Variants in NBEA observed in about 807,000 individuals in gnomAD.
The protein encoded by NBEA is lysosomal-trafficking regulator 2.
A neutral mutation model predicts 343.4 loss-of-function variants in NBEA; 44 were observed. The ratio of observed to expected loss-of-function variants is 0.13; its 90% CI spans 0.10 to 0.16. NBEA has a LOEUF of 0.16. Ranked by LOEUF, NBEA falls within the 10% of genes least tolerant of loss-of-function variation. NBEA has a pLI of 1.00. For synonymous variants in NBEA, 1,175 were observed against 1,238.7 expected (o/e 0.95, Z 1.08); for missense variants, 2,555 against 3,631.3 (o/e 0.70, Z 7.62).
chr13:35,598,949 C>G (rs1038521260), intron 47 of NBEA, among the ~76,000 whole-genome samples: 1 of 152,202 alleles, frequency 6.6e-6, no homozygotes, highest in Non-Finnish European at 1.5e-5. Context: ...GTTCATCTCT[C>G]TCTTGCATAG....
intron 38 of NBEA, among the ~76,000 whole-genome samples, chr13:35,375,171 A>G (rs948366322): frequency 3.9e-5 from 6 of 152,176 alleles, no homozygotes; most frequent in African/African-American, 1.2e-4. Context: ...AAAGCAGTAC[A>G]CACACAACTT....
At chr13:35,035,025 C>T (rs58108812) in intron 1 of NBEA, among the ~76,000 whole-genome samples, 4,157 of 151,790 alleles carry the variant, frequency 0.027, 82 homozygotes, top group South Asian at 0.074. Flanking sequence ...TTATTTATTT[C>T]TGCTCTGATC....
chr13:35,559,685 G>A (rs943412550), intron 44 of NBEA, among the ~76,000 whole-genome samples: 1 of 152,096 alleles, frequency 6.6e-6, no homozygotes, highest in African/African-American at 2.4e-5. Context: ...GGAGGCCGAG[G>A]CAGGTGGATC....
intron 8 of NBEA, among the ~76,000 whole-genome samples, chr13:35,064,945 T>C (rs1269144002): frequency 1.3e-5 from 2 of 151,012 alleles, no homozygotes; most frequent in Non-Finnish European, 1.5e-5. Flanking sequence ...CTGATTCTTT[T>C]TCATAGCAGA....
In NBEA at chr13:35,179,931, T is replaced by C. The variant is rs1287893963; in HGVS notation, c.4663-2429T>C. ...CAAGGAATATGCATTTTAAACAGTT[T>C]GTAAGACAAAGTATCTCTAGAAAAG... is the stretch of plus-strand genomic sequence containing the variant. On this transcript the variant is annotated intron_variant, in intron 28 of 58. Transcript: ENST00000379939. The C allele has an allele frequency of 9.1e-6, 3 of 329,532 alleles. No individual in the cohort carries two copies. In the South Asian group the frequency reaches 3.6e-4, roughly 40 times the overall value. 20.4% of individuals were successfully genotyped at this position (329,532 alleles called of 1,614,324 possible). A position where few individuals can be genotyped will look rare whatever the true frequency, so the allele number is the denominator to read the frequency against.
intron 41 of NBEA, chr13:35,476,827 A>G: frequency 9.9e-7 from 1 of 1,012,716 alleles, no homozygotes; most frequent in Non-Finnish European, 1.2e-6. Flanking sequence ...ATATAGGCAC[A>G]CAAACTAAAG....
At chr13:34,948,038 G>C (rs2059240236) in intron 1 of NBEA, among the ~76,000 whole-genome samples, 1 of 152,146 alleles carries the variant, frequency 6.6e-6, no homozygotes, top group Non-Finnish European at 1.5e-5. Flanking sequence ...AGGTCATGTT[G>C]TTAACAAAGA....
rs117595214 is a variant in NBEA, at chr13:35,181,982, G to A, written c.4663-378G>A. On this transcript the variant is annotated intron_variant, in intron 28 of 58. Transcript: ENST00000379939. ...ATCCTACTAATTTTATTCAGTTATA[G>A]TATATAAAACCCTTGATTTTTTTAA... Among the ~76,000 whole-genome samples the A allele has an allele frequency of 9.1e-4, 138 of 151,436 alleles. 2 individuals carry two copies. The East Asian group carries it at 0.024, about 27-fold the overall frequency.
chr13:35,283,458 G>A (rs992295245), intron 34 of NBEA, among the ~76,000 whole-genome samples: 9 of 152,032 alleles, frequency 5.9e-5, no homozygotes, highest in African/African-American at 2.2e-4. Flanking sequence ...AATTTCCGTA[G>A]GGAAATGTGT....
intron 8 of NBEA, among the ~76,000 whole-genome samples, chr13:35,064,931 G>C (rs1427990357): frequency 6.6e-6 from 1 of 150,740 alleles, no homozygotes; most frequent in Non-Finnish European, 1.5e-5. Context: ...AAGCCATCCA[G>C]CCTCTGATTC....
At chr13:34,997,428 C>T (rs1327191355) in intron 1 of NBEA, among the ~76,000 whole-genome samples, 2 of 151,862 alleles carry the variant, frequency 1.3e-5, no homozygotes, top group Non-Finnish European at 2.9e-5. Flanking sequence ...ACTCATTCTT[C>T]CTTATTATTA....
chr13:35,210,820 G>A (rs1005216931), intron 32 of NBEA, among the ~76,000 whole-genome samples: 2 of 151,960 alleles, frequency 1.3e-5, no homozygotes, highest in African/African-American at 2.4e-5. Flanking sequence ...TACCCCATTT[G>A]TAGTATGTAG....
intron 16 of NBEA, among the ~76,000 whole-genome samples, chr13:35,123,058 G>A (rs1013370658): frequency 9.9e-5 from 15 of 152,162 alleles, no homozygotes; most frequent in Non-Finnish European, 2.9e-5. Context: ...TTGGGAGGCC[G>A]AGGTGGTCGA....
intron 5 of NBEA, 123 bp from the exon 6 acceptor site, chr13:35,050,146 C>T (rs1379235562): frequency 1.5e-6 from 1 of 664,346 alleles, no homozygotes; most frequent in African/African-American, 1.9e-5. Context: ...TTATTTGACA[C>T]ATATTAAACT....
intron 38 of NBEA, among the ~76,000 whole-genome samples, chr13:35,427,161 T>C (rs2044740508): frequency 6.6e-6 from 1 of 152,238 alleles, no homozygotes; most frequent in South Asian, 2.1e-4. Flanking sequence ...TCCAGCTTTG[T>C]TCCGTTGCTG....
At chr13:35,342,407 T>A (rs2039637325) in intron 36 of NBEA, among the ~76,000 whole-genome samples, 1 of 152,064 alleles carries the variant, frequency 6.6e-6, no homozygotes, top group Admixed American at 6.6e-5. Flanking sequence ...AAATGAACTT[T>A]TAGCGATAAC....
intron 36 of NBEA, among the ~76,000 whole-genome samples, chr13:35,339,727 G>A (rs1347484195): frequency 6.6e-6 from 1 of 152,120 alleles, no homozygotes; most frequent in Non-Finnish European, 1.5e-5. Flanking sequence ...TTACATGGCA[G>A]AAGCAGGAGC....
At chr13:35,111,096 T>C (rs1244413414) in intron 13 of NBEA, 118 bp downstream of exon 13, 5 of 775,740 alleles carry the variant, frequency 6.4e-6, no homozygotes, top group Non-Finnish European at 9.1e-6. Context: ...CTTTCTTATA[T>C]AGCAAACTGG....
At chr13:35,551,353 A>G (rs1419109508) in intron 43 of NBEA, among the ~76,000 whole-genome samples, 3 of 152,180 alleles carry the variant, frequency 2.0e-5, no homozygotes, top group Non-Finnish European at 4.4e-5. Context: ...AAGATCATAA[A>G]TGATTAATTG....
Sources: gnomAD v4.1 joint callset for allele counts (sites outside exome capture counted in the v4.1 genomes callset) on GRCh38, gnomAD v4.1.1 for gene constraint, MANE v1.5 for transcripts, NCBI Gene and HGNC (gene_info 2026-07-23, HGNC 2026-07-21) for gene names.